The following ESR1 variants were observed in gnomAD, a reference collection of about 807,000 sequenced individuals.
ESR1 encodes the protein estrogen receptor 1.
A neutral mutation model predicts 52.7 loss-of-function variants in ESR1; 12 were observed. The observed-to-expected ratio is 0.23, with a 90% confidence interval of 0.15 to 0.37. The LOEUF (loss-of-function observed/expected upper bound fraction) is 0.37. Ranked by LOEUF, ESR1 falls within the 10% of genes least tolerant of loss-of-function variation. The pLI is 1.00. For synonymous variants in ESR1, 305 were observed against 316.8 expected (o/e 0.96, Z 0.39); for missense variants, 584 against 779.7 (o/e 0.75, Z 2.99).
chr6:151,669,393 A>G (rs1777970538), intron 1 of ESR1, among the ~76,000 whole-genome samples: 1 of 152,004 alleles, frequency 6.6e-6, no homozygotes, highest in Non-Finnish European at 1.5e-5. Context: ...AGGAAGGTGG[A>G]GGAGTAAAGG....
chr6:151,769,598 T>A (rs1235020897), intron 2 of ESR1, among the ~76,000 whole-genome samples: 1 of 152,162 alleles, frequency 6.6e-6, no homozygotes, highest in Non-Finnish European at 1.5e-5. Flanking sequence ...TAATTGAATG[T>A]GGATGGTGTA....
chr6:151,743,726 C>T (rs1207890859), intron 2 of ESR1, among the ~76,000 whole-genome samples: 3 of 152,188 alleles, frequency 2.0e-5, no homozygotes, highest in Non-Finnish European at 4.4e-5. Context: ...CAAAGACTCT[C>T]CCAATGTGTC....
intron 4 of ESR1, among the ~76,000 whole-genome samples, chr6:152,002,146 T>A (rs554642447): frequency 2.6e-5 from 4 of 151,774 alleles, no homozygotes; most frequent in South Asian, 2.1e-4. Flanking sequence ...AGTCCCTGGG[T>A]TCTTGGCAAC....
chr6:151,956,863 A>T (rs6937419), intron 4 of ESR1, among the ~76,000 whole-genome samples: 284 of 53,856 alleles, frequency 5.3e-3, no homozygotes, highest in Non-Finnish European at 8.8e-3. Flanking sequence ...TATATATATA[A>T]ATATATATAT....
intron 4 of ESR1, among the ~76,000 whole-genome samples, chr6:151,956,821 A>AAAATATATATAAATATAAAT (rs2036984822): frequency 7.3e-6 from 1 of 137,342 alleles, no homozygotes; most frequent in South Asian, 2.2e-4. Flanking sequence ...AATATATATA[A>AAAATATATATAAATATAAAT]AAATATATAT....
Position 151,899,588 on chromosome 6 carries a change from C to T in ESR1, c.760+18817C>T, listed in dbSNP as rs1236863495. Among the ~76,000 whole-genome samples the T allele has an allele frequency of 1.2e-3, 186 of 151,068 alleles. 1 individual carries two copies. Among genetic ancestry groups the T allele is most frequent in the African/African-American group, 4.2e-3 (174 of 41,368 alleles). ...CCGGGCGGGGAGCTGACCCCCCCAC[C>T]TCCCTCCCGGACGGGGTGGCTGCCG... On this transcript the variant is annotated intron_variant, in intron 3 of 7. Coordinates refer to ENST00000206249, the MANE Select transcript of ESR1 (RefSeq NM_000125.4).
chr6:152,035,220 T>C (rs1435910852), intron 5 of ESR1, among the ~76,000 whole-genome samples: 1 of 152,020 alleles, frequency 6.6e-6, no homozygotes, highest in Non-Finnish European at 1.5e-5. Flanking sequence ...CAAGAAGGGC[T>C]AGTTAATCAA....
At chr6:151,691,971 A>G (rs1778979636) in intron 1 of ESR1, among the ~76,000 whole-genome samples, 1 of 152,260 alleles carries the variant, frequency 6.6e-6, no homozygotes, top group Non-Finnish European at 1.5e-5. Context: ...CAAGGAAATT[A>G]CAAATAAAAA....
At chr6:151,698,013 G>A (rs553868220) in intron 1 of ESR1, among the ~76,000 whole-genome samples, 4 of 151,004 alleles carry the variant, frequency 2.6e-5, no homozygotes, top group African/African-American at 4.9e-5. Context: ...CAAGAGAATC[G>A]CTTGAACCGG....
chr6:151,704,637 A>G (rs1780046243), intron 2 of ESR1, among the ~76,000 whole-genome samples: 2 of 152,194 alleles, frequency 1.3e-5, no homozygotes, highest in South Asian at 4.1e-4. Flanking sequence ...CAGTGAGCTC[A>G]GTCAAGTAGT....
At chr6:151,902,216 C>T (rs1278451657) in intron 3 of ESR1, among the ~76,000 whole-genome samples, 1 of 152,158 alleles carries the variant, frequency 6.6e-6, no homozygotes, top group Non-Finnish European at 1.5e-5. Flanking sequence ...GACCAAACTT[C>T]CTCCATTCCT....
At chr6:151,831,132 ATTTCT>A (rs1782333037) in intron 1 of ESR1, among the ~76,000 whole-genome samples, 1 of 147,374 alleles carries the variant, frequency 6.8e-6, no homozygotes, top group Non-Finnish European at 1.5e-5. Context: ...ATTGTAGACA[ATTTCT>A]TTTCTTTTCT....
intron 5 of ESR1, among the ~76,000 whole-genome samples, chr6:152,038,778 C>T (rs544324875): frequency 1.3e-5 from 2 of 152,090 alleles, no homozygotes; most frequent in African/African-American, 4.8e-5. Context: ...TTACAGGCAC[C>T]CACCGCCACA....
At chr6:151,677,349 A>G (rs1366994371) in intron 1 of ESR1, among the ~76,000 whole-genome samples, 1 of 152,214 alleles carries the variant, frequency 6.6e-6, no homozygotes, top group African/African-American at 2.4e-5. Context: ...TAAAATGGGA[A>G]TTAATGTGCT....
intron 1 of ESR1, among the ~76,000 whole-genome samples, chr6:151,658,310 C>T (rs1309985619): frequency 6.6e-6 from 1 of 152,172 alleles, no homozygotes. Context: ...TCTTTCATGT[C>T]ATTTTTGTGA....
At chr6:151,716,091 C>T (rs1263589860) in intron 2 of ESR1, among the ~76,000 whole-genome samples, 2 of 152,202 alleles carry the variant, frequency 1.3e-5, no homozygotes, top group Non-Finnish European at 2.9e-5. Flanking sequence ...AACAGTCAGG[C>T]CCCTCTGCTG....
chr6:151,759,268 CAA>C (rs984171376), intron 2 of ESR1, among the ~76,000 whole-genome samples: 6 of 66,422 alleles, frequency 9.0e-5, no homozygotes, highest in Middle Eastern at 7.8e-3. Flanking sequence ...GACTCTGTCT[CAA>C]AAAAAAAAAA....
intron 2 of ESR1, among the ~76,000 whole-genome samples, chr6:151,864,613 A>G: frequency 6.6e-6 from 1 of 152,212 alleles, no homozygotes. Flanking sequence ...ATTATAAATC[A>G]TGCTGCTATA....
intron 1 of ESR1, among the ~76,000 whole-genome samples, chr6:151,833,454 C>T (rs776305840): frequency 5.3e-5 from 8 of 152,106 alleles, no homozygotes; most frequent in Non-Finnish European, 7.4e-5. Context: ...ACATGAAGGT[C>T]CATTTTGCAT....
Sources: allele counts gnomAD v4.1 joint callset (sites outside exome capture counted in the v4.1 genomes callset), GRCh38; gene constraint gnomAD v4.1.1; transcripts MANE v1.5; gene names NCBI Gene and HGNC (gene_info 2026-07-23, HGNC 2026-07-21).